Variants in PLCB1 observed in about 807,000 individuals in gnomAD.
The protein encoded by PLCB1 is 1-phosphatidylinositol 4,5-bisphosphate phosphodiesterase beta-1.
Under a neutral mutation model 161.8 loss-of-function variants are expected in PLCB1, and 46 were observed. That is an observed-to-expected ratio of 0.28 (90% CI 0.22 to 0.36). PLCB1 has a LOEUF of 0.36. Among genes scored for constraint, PLCB1 ranks in the 10% least tolerant of loss-of-function variants. PLCB1 has a pLI of 1.00. For synonymous variants in PLCB1, 517 were observed against 503.7 expected (o/e 1.03, Z -0.35); for missense variants, 1,016 against 1,472.5 (o/e 0.69, Z 5.07).
At chr20:8,830,604 C>T (rs1176434667) in intron 31 of PLCB1, among the ~76,000 whole-genome samples, 1 of 152,150 alleles carries the variant, frequency 6.6e-6, no homozygotes, top group Non-Finnish European at 1.5e-5. Flanking sequence ...CAATCAGGAC[C>T]ACCCACCCAT....
chr20:8,347,971 C>A (rs1370547889), intron 2 of PLCB1, among the ~76,000 whole-genome samples: 6 of 148,282 alleles, frequency 4.0e-5, no homozygotes, highest in African/African-American at 1.0e-4. Flanking sequence ...GACTCCATCT[C>A]AAAAAAAAGA....
At chr20:8,285,517 AT>A (rs899047227) in intron 2 of PLCB1, among the ~76,000 whole-genome samples, 1 of 152,150 alleles carries the variant, frequency 6.6e-6, no homozygotes, top group African/African-American at 2.4e-5. Flanking sequence ...AAGACTGGAT[AT>A]TACAGTCATA....
At chr20:8,765,828 C>T (rs1217247098) in intron 26 of PLCB1, among the ~76,000 whole-genome samples, 5 of 152,078 alleles carry the variant, frequency 3.3e-5, no homozygotes, top group South Asian at 2.1e-4. Flanking sequence ...GCTGGGATTA[C>T]GCCACTACGC....
At chr20:8,568,977 A>T (rs1490754336) in intron 3 of PLCB1, among the ~76,000 whole-genome samples, 1 of 152,226 alleles carries the variant, frequency 6.6e-6, no homozygotes, top group Admixed American at 6.5e-5. Context: ...ATGAGAGGTT[A>T]TAACACAGAT....
intron 3 of PLCB1, among the ~76,000 whole-genome samples, chr20:8,539,637 T>TTTCTTTCTTTCC (rs1985207153): frequency 1.1e-5 from 1 of 91,052 alleles, no homozygotes; most frequent in African/African-American, 4.5e-5. Context: ...TCTTTCTTTC[T>TTTCTTTCTTTCC]TTCTTTCTTT....
intron 3 of PLCB1, among the ~76,000 whole-genome samples, chr20:8,513,885 G>A (rs1983996447): frequency 6.6e-6 from 1 of 151,788 alleles, no homozygotes. Flanking sequence ...AAAATTAGCT[G>A]GGCATGGTGG....
chr20:8,194,853 C>G (rs1210598977), intron 2 of PLCB1, among the ~76,000 whole-genome samples: 1 of 152,028 alleles, frequency 6.6e-6, no homozygotes, highest in Non-Finnish European at 1.5e-5. Context: ...AAGGGAATTC[C>G]ATTAGTGGTA....
intron 3 of PLCB1, among the ~76,000 whole-genome samples, chr20:8,433,154 C>G (rs1396789614): frequency 6.6e-6 from 1 of 152,170 alleles, no homozygotes; most frequent in African/African-American, 2.4e-5. Context: ...AGCATCCGGT[C>G]CTCTCTTAGC....
chr20:8,589,190 A>C (rs1987074377), intron 3 of PLCB1, among the ~76,000 whole-genome samples: 1 of 127,434 alleles, frequency 7.8e-6, no homozygotes, highest in Non-Finnish European at 1.7e-5. Flanking sequence ...GAAGACATGA[A>C]CAATGTTTTG....
chr20:8,727,727 G>C (rs1333498215), intron 17 of PLCB1, among the ~76,000 whole-genome samples: 2 of 151,924 alleles, frequency 1.3e-5, no homozygotes, highest in Non-Finnish European at 2.9e-5. Context: ...CTTTGGATTA[G>C]GTACAACATA....
chr20:8,250,775 C>T (rs1042348797), intron 2 of PLCB1, among the ~76,000 whole-genome samples: 6 of 151,950 alleles, frequency 3.9e-5, no homozygotes, highest in African/African-American at 1.2e-4. Flanking sequence ...TTTCATCTTA[C>T]TTTGAGGCTG....
At chr20:8,522,189 G>A (rs1336184767) in intron 3 of PLCB1, among the ~76,000 whole-genome samples, 2 of 152,194 alleles carry the variant, frequency 1.3e-5, no homozygotes, top group Admixed American at 1.3e-4. Context: ...CAGATACAGA[G>A]ATGCAATGTA....
Position 8,882,667 on chromosome 20 carries a change from T to A in PLCB1, c.*818T>A, listed in dbSNP as rs1988037794. 1 of 152,442 alleles carries A rather than the reference T, an allele frequency of 6.6e-6. No homozygotes were observed. The highest frequency in any genetic ancestry group is 1.5e-5 in the Non-Finnish European group (1 of 68,032). 9.4% of individuals were successfully genotyped at this position (152,442 alleles called of 1,614,324 possible). A position where few individuals can be genotyped will look rare whatever the true frequency, so the allele number is the denominator to read the frequency against. On this transcript the variant is annotated 3_prime_UTR_variant, in exon 32 of 32. Coordinates refer to ENST00000338037, the MANE Select transcript of PLCB1 (RefSeq NM_015192.4). ...GAAATGATCAAATAACTACAAATGA[T>A]CTGTTGAATAAAAATAGTTGAGCTG... is the stretch of plus-strand genomic sequence containing the variant.
At chr20:8,621,627 A>G (rs2123199004) in intron 3 of PLCB1, among the ~76,000 whole-genome samples, 1 of 152,324 alleles carries the variant, frequency 6.6e-6, no homozygotes, top group East Asian at 1.9e-4. Context: ...AAACTGCCTA[A>G]AATATCGCTA....
chr20:8,842,045 G>C (rs770650197), intron 31 of PLCB1, among the ~76,000 whole-genome samples: 2 of 151,114 alleles, frequency 1.3e-5, no homozygotes, highest in Non-Finnish European at 3.0e-5. Context: ...GAAGTACCTT[G>C]GCTTATATAA....
chr20:8,581,911 G>A (rs1986845476), intron 3 of PLCB1, among the ~76,000 whole-genome samples: 1 of 152,164 alleles, frequency 6.6e-6, no homozygotes, highest in African/African-American at 2.4e-5. Flanking sequence ...AACCAGTGTT[G>A]TGCGAGAACC....
intron 3 of PLCB1, among the ~76,000 whole-genome samples, chr20:8,507,431 T>G (rs1311721156): frequency 6.6e-6 from 1 of 152,204 alleles, no homozygotes; most frequent in African/African-American, 2.4e-5. Context: ...ATTTGCTGAT[T>G]TCAGCAAATT....
intron 2 of PLCB1, 55 bp from the exon 3 acceptor site, chr20:8,371,327 A>G: frequency 8.2e-7 from 1 of 1,220,420 alleles, no homozygotes; most frequent in African/African-American, 1.5e-5. Flanking sequence ...ATGACATAAA[A>G]CAAAGAGGAA....
intron 7 of PLCB1, among the ~76,000 whole-genome samples, chr20:8,655,081 A>G (rs901238612): frequency 3.9e-5 from 6 of 151,934 alleles, no homozygotes; most frequent in Non-Finnish European, 8.8e-5. Context: ...CTATCATCCA[A>G]CTCGCAATGA....
Sources: gnomAD v4.1 joint callset for allele counts (sites outside exome capture counted in the v4.1 genomes callset) on GRCh38, gnomAD v4.1.1 for gene constraint, MANE v1.5 for transcripts, NCBI Gene and HGNC (gene_info 2026-07-23, HGNC 2026-07-21) for gene names.